ADAM28: variants seen among roughly 807,000 people sequenced by gnomAD.
ADAM28 encodes ADAM metallopeptidase domain 28.
In ADAM28, 105 loss-of-function variants were observed where a neutral mutation model predicts 101.2. The observed-to-expected ratio is 1.04, with a 90% CI of 0.89 to 1.22. The LOEUF (loss-of-function observed/expected upper bound fraction) is 1.22. Among genes scored for constraint, ADAM28 ranks in the 50% most tolerant of loss-of-function variants. The probability of loss-of-function intolerance (pLI) is 0.00; values close to 1 mark genes in which losing one functional copy is unlikely to be tolerated. For synonymous variants in ADAM28, 322 were observed against 310.6 expected, an observed-to-expected ratio of 1.04 and a Z score of -0.39; for missense variants, 1,028 against 945.4, an observed-to-expected ratio of 1.09 and a Z score of -1.15.
At chr8:24,323,463 C>T (rs1326606900) in intron 8 of ADAM28, among the ~76,000 whole-genome samples, 2 of 151,942 alleles carry the variant, frequency 1.3e-5, no homozygotes. Flanking sequence ...GAAATATTCT[C>T]ACTCTGAGAG....
intron 6 of ADAM28, among the ~76,000 whole-genome samples, chr8:24,319,389 A>G (rs1435946255): frequency 4.6e-5 from 7 of 151,972 alleles, no homozygotes; most frequent in Admixed American, 3.3e-4. Context: ...CTGCTGATGG[A>G]GCTCACATGG....
At chr8:24,308,776 C>G (rs1810041095) in intron 2 of ADAM28, 1 of 448,586 alleles carries the variant, frequency 2.2e-6, no homozygotes. Context: ...AAAGTATGGA[C>G]TGTAAGAATT....
chr8:24,316,479 G>C (rs1811178076), intron 6 of ADAM28, among the ~76,000 whole-genome samples: 1 of 151,978 alleles, frequency 6.6e-6, no homozygotes, highest in African/African-American at 2.4e-5. Context: ...GAAAATTTAA[G>C]AACACTGTTG....
At chr8:24,294,244 T>A (rs1422352649) in intron 1 of ADAM28, 49 bp downstream of exon 1, 1 of 1,572,320 alleles carries the variant, frequency 6.4e-7, no homozygotes, top group Non-Finnish European at 8.8e-7. Context: ...TTAGCGAACT[T>A]TTCATAGTCT....
intron 14 of ADAM28, chr8:24,336,037 C>T (rs1035713938): frequency 8.2e-5 from 78 of 956,230 alleles, no homozygotes; most frequent in African/African-American, 7.2e-4. Context: ...TGTGTGTGTG[C>T]GGGTGTGTGT....
chr8:24,354,894 T>C lies in ADAM28; in HGVS notation c.*490T>C, dbSNP rs1293356616. The C allele has an allele frequency of 6.5e-6, 1 of 152,812 alleles. No individual in the cohort carries two copies. The highest frequency in any genetic ancestry group is 2.4e-5 in the African/African-American group (1 of 41,442). 9.5% of individuals were successfully genotyped at this position (152,812 alleles called of 1,614,324 possible). On this transcript the variant is annotated 3_prime_UTR_variant, in exon 23 of 23. Transcript: ENST00000265769. ...TTCCTAGATTAGCTTCTGAAATCAT[T>C]ATTAGCTATATCATTTGAGGTTTTC...
chr8:24,352,116 CAT>C lies in ADAM28; in HGVS notation c.2244+66_2244+67del, dbSNP rs1447496813. 5 of 1,373,952 alleles carry C rather than the reference CAT, an allele frequency of 3.6e-6. No homozygotes were observed. In the African/African-American group the frequency reaches 7.1e-5, roughly 20 times the overall value. 85.1% of individuals were successfully genotyped at this position (1,373,952 alleles called of 1,614,324 possible). A position where few individuals can be genotyped will look rare whatever the true frequency, so the allele number is the denominator to read the frequency against. On this transcript the variant is annotated intron_variant, in intron 21 of 22. Transcript: ENST00000265769. ...ATCTCCAGGAAATATCGGTGAAAGTCATAGCCCACAACACTTCATTATTTCTT... is the reference window on the plus strand; with the variant it reads ...ATCTCCAGGAAATATCGGTGAAAGTCAGCCCACAACACTTCATTATTTCTT...
At chr8:24,332,618 A>G in intron 12 of ADAM28, 42 bp from the exon 13 acceptor site, 1 of 1,254,864 alleles carries the variant, frequency 8.0e-7, no homozygotes, top group Non-Finnish European at 1.1e-6. Context: ...ACTGGGACCA[A>G]AAAGTAATGT....
intron 5 of ADAM28, 22 bp downstream of exon 5, chr8:24,311,459 G>C: frequency 1.3e-6 from 2 of 1,594,424 alleles, no homozygotes; most frequent in Non-Finnish European, 1.7e-6. Flanking sequence ...GGAATGTTTT[G>C]CATGTACCTG....
At chr8:24,299,898 G>A in intron 1 of ADAM28, 76 bp from the exon 2 acceptor site, 1 of 1,005,924 alleles carries the variant, frequency 9.9e-7, no homozygotes, top group East Asian at 2.4e-5. Context: ...CATTGGGAAT[G>A]CAGTAAGGAT....
chr8:24,303,667 A>T (rs1327807530), intron 2 of ADAM28, among the ~76,000 whole-genome samples: 1 of 152,118 alleles, frequency 6.6e-6, no homozygotes, highest in Non-Finnish European at 1.5e-5. Flanking sequence ...ATTTTTTTCT[A>T]ATTCTGTGAA....
At chr8:24,302,848 C>T (rs1045691626) in intron 2 of ADAM28, among the ~76,000 whole-genome samples, 3 of 151,714 alleles carry the variant, frequency 2.0e-5, no homozygotes, top group African/African-American at 7.3e-5. Flanking sequence ...TATACATGTG[C>T]CATGTTGGTG....
intron 11 of ADAM28, 51 bp downstream of exon 11, chr8:24,330,166 C>A: frequency 6.4e-7 from 1 of 1,572,278 alleles, no homozygotes; most frequent in South Asian, 1.2e-5. Context: ...GGTTTTGATC[C>A]ACTGTGGGCT....
intron 9 of ADAM28, among the ~76,000 whole-genome samples, chr8:24,325,887 A>AAAAAACAAAC (rs1812519243): frequency 2.2e-5 from 3 of 135,974 alleles, no homozygotes; most frequent in East Asian, 2.4e-4. Flanking sequence ...AAAAAAAAAA[A>AAAAAACAAAC]AAAAAAAAAA....
At chr8:24,311,916 T>C (rs1276420635) in intron 5 of ADAM28, among the ~76,000 whole-genome samples, 1 of 152,100 alleles carries the variant, frequency 6.6e-6, no homozygotes, top group African/African-American at 2.4e-5. Flanking sequence ...GTTTTGTATT[T>C]TTAATAGAAA....
intron 6 of ADAM28, among the ~76,000 whole-genome samples, chr8:24,318,086 A>G (rs1300255546): frequency 6.6e-6 from 1 of 152,022 alleles, no homozygotes; most frequent in Non-Finnish European, 1.5e-5. Flanking sequence ...AGGTACAGAA[A>G]CAGCTGCACC....
rs1475275002 is a variant in ADAM28 at position 24,339,346 on chromosome 8, CT to C, written c.1568-118del. 1.3e-5 allele frequency: 9 copies of C among 719,986 alleles called. No homozygotes were observed. In the African/African-American group the frequency reaches 1.6e-4, roughly 13 times the overall value. 44.6% of individuals were successfully genotyped at this position (719,986 alleles called of 1,614,324 possible). A position where few individuals can be genotyped will look rare whatever the true frequency, so the allele number is the denominator to read the frequency against. On this transcript the variant is annotated intron_variant, in intron 14 of 22. Coordinates refer to ENST00000265769, the MANE Select transcript of ADAM28 (RefSeq NM_014265.6). ...TTATGCTAAAATAGTATTTTTCTTG[CT>C]TGTTTTATATTTTATAAATCGCTTT...
rs1016908289 is a variant in ADAM28, at chr8:24,358,313, T to C, written c.*3909T>C. The C allele has an allele frequency of 6.6e-5, 10 of 152,190 alleles. No homozygotes were observed. Among genetic ancestry groups the C allele is most frequent in the African/African-American group, 2.4e-4 (10 of 41,416 alleles). The allele number at this position is 152,190 out of a possible 1,614,324, so 9.4% of individuals were successfully genotyped here. ...TATCAGCTTTAATATTGTTTCATCA[T>C]ATGTCATTGTTCAAAGAATCCATCT... On this transcript the variant is annotated 3_prime_UTR_variant, in exon 23 of 23. Coordinates refer to ENST00000265769, the MANE Select transcript of ADAM28 (RefSeq NM_014265.6).
At position 24,339,515 on chromosome 8, in the gene ADAM28, A is replaced by C. The variant is rs758113751; in HGVS notation, c.1617A>C (p.Ser539=). 2.9e-5 allele frequency: 47 copies of C among 1,613,374 alleles called. No homozygotes were observed. Among genetic ancestry groups the C allele is most frequent in the Non-Finnish European group, 3.8e-5 (45 of 1,179,672 alleles). Residue 539 remains serine (S), a synonymous_variant, in exon 15 of 23, where the codon TCA becomes TCC. Transcript: ENST00000265769. ...KSCYNRNEGG[S]KYGYCRRVDD... is the part of the protein sequence containing the mutation. ...GTTACAACAGGAATGAAGGTGGGTCAAAGTACGGGTACTGTCGCAGAGTGG... is the reference window on the plus strand; with the variant it reads ...GTTACAACAGGAATGAAGGTGGGTCCAAGTACGGGTACTGTCGCAGAGTGG...
Sources: allele counts gnomAD v4.1 joint callset (sites outside exome capture counted in the v4.1 genomes callset), GRCh38; gene constraint gnomAD v4.1.1; transcripts MANE v1.5; gene names NCBI Gene and HGNC (gene_info 2026-07-23, HGNC 2026-07-21).